PALM3: variants seen among roughly 807,000 people sequenced by gnomAD.
PALM3 encodes the protein paralemmin 3, also known as paralemmin-3.
PALM3 carries 20 observed loss-of-function variants against 27.9 expected under a neutral mutation model. The ratio of observed to expected loss-of-function variants is 0.72; its 90% CI spans 0.50 to 1.04. The LOEUF is 1.04. PALM3 is among the 50% of genes least tolerant of loss of function. The pLI, the probability that PALM3 is intolerant of heterozygous loss-of-function variation, is 0.00. For synonymous variants in PALM3, 328 were observed against 352.7 expected, an observed-to-expected ratio of 0.93 and a Z score of 0.79; for missense variants, 814 against 869.4, an observed-to-expected ratio of 0.94 and a Z score of 0.80.
In PALM3 at chr19:14,053,385, T is replaced by C. The variant is rs956783493; in HGVS notation, c.*220A>G. On this transcript the variant is annotated 3_prime_UTR_variant, in exon 7 of 7. Transcript: ENST00000669674. ...AGCCGTCTTGAGTGCTTTCACATTT[T>C]ATTTTCAAGTATAAAGGCTTCATCG... 4 of 459,804 alleles carry C rather than the reference T, an allele frequency of 8.7e-6. No individual in the cohort carries two copies. Among genetic ancestry groups the C allele is most frequent in the African/African-American group, 8.0e-5 (4 of 50,218 alleles). 28.5% of individuals were successfully genotyped at this position (459,804 alleles called of 1,614,324 possible).
chr19:14,061,156 T>C (rs1443380209), intron 1 of PALM3, among the ~76,000 whole-genome samples: 2 of 152,162 alleles, frequency 1.3e-5, no homozygotes, highest in Non-Finnish European at 2.9e-5. Flanking sequence ...TGGTCTCCTG[T>C]ACCACCCCCA....
intron 2 of PALM3, chr19:14,057,726 G>A (rs1402257093): frequency 1.3e-5 from 2 of 154,716 alleles, no homozygotes; most frequent in Non-Finnish European, 2.7e-5. Flanking sequence ...TGGATGGGGG[G>A]TGTAGGGGGT....
At chr19:14,057,521 G>T in intron 2 of PALM3, 90 bp from the exon 3 acceptor site, 1 of 1,086,588 alleles carries the variant, frequency 9.2e-7, no homozygotes, top group East Asian at 3.2e-5. Flanking sequence ...CCTCCGCGGG[G>T]CTCACCGGAG....
chr19:14,060,036 C>T (rs538785716), intron 1 of PALM3, among the ~76,000 whole-genome samples: 4 of 152,198 alleles, frequency 2.6e-5, no homozygotes, highest in African/African-American at 7.2e-5. Flanking sequence ...GTCACACCAA[C>T]CTTATCAACA....
intron 1 of PALM3, among the ~76,000 whole-genome samples, chr19:14,060,768 T>A (rs548054289): frequency 6.6e-6 from 1 of 152,226 alleles, no homozygotes; most frequent in Admixed American, 6.5e-5. Context: ...AGTCATGCTC[T>A]TTCTTTTTTT....
Position 14,054,632 on chromosome 19 carries a change from C to T in PALM3, c.1040G>A (p.Gly347Glu), listed in dbSNP as rs570683672. 6.4e-7 allele frequency: 1 copy of T among 1,551,700 alleles called. No individual in the cohort carries two copies. The highest frequency in any genetic ancestry group is 2.4e-5 in the East Asian group (1 of 40,920). The change falls in exon 7 of 7, where the codon GGA becomes GAA. Residue 347 changes from glycine to glutamate, a missense_variant. By Grantham distance (98) the Gly-to-Glu change is moderately conservative (BLOSUM62 -2). Transcript: ENST00000669674. The part of the protein sequence containing the change: ...PQGSPEGDGQ[G>E]GSGGEEGSFI... Reference sequence around the variant, plus strand: ...GGATCCCTCCTCTCCTCCAGAGCCTCCCTGCCCATCACCCTCAGGGCTGCC... The same window carrying T: ...GGATCCCTCCTCTCCTCCAGAGCCTTCCTGCCCATCACCCTCAGGGCTGCC...
intron 2 of PALM3, 59 bp downstream of exon 2, chr19:14,059,056 A>G: frequency 7.0e-7 from 1 of 1,421,792 alleles, no homozygotes; most frequent in South Asian, 1.4e-5. Context: ...CGGAGAGACG[A>G]GAAGGGAGCA....
chr19:14,054,348 C>A lies in PALM3; in HGVS notation c.1324G>T (p.Gly442Ter). 6.4e-7 allele frequency: 1 copy of A among 1,552,232 alleles called. No individual in the cohort carries two copies. The highest frequency in any genetic ancestry group is 8.7e-7 in the Non-Finnish European group (1 of 1,147,134). The change falls in exon 7 of 7, where the codon GGA becomes TGA. Residue 442 changes from glycine (G) to a stop codon, truncating the protein, a stop_gained. Coordinates refer to ENST00000669674, the MANE Select transcript of PALM3 (RefSeq NM_001145028.2). LOFTEE classifies it low-confidence loss of function (END_TRUNC). ...TCCAGCTCCAACTTCTTCTCTCCTCCTTTCCTCTCTACCACTGGTGACATC... is the reference window on the plus strand; with the variant it reads ...TCCAGCTCCAACTTCTTCTCTCCTCATTTCCTCTCTACCACTGGTGACATC... ...AEMSPVVERK[G>*]GEKKLELESR...
Position 14,059,138 on chromosome 19 carries a change from G to A in PALM3, c.67C>T (p.Arg23Trp). 7.0e-7 allele frequency: 1 copy of A among 1,435,760 alleles called. No individual in the cohort carries two copies. Among genetic ancestry groups the A allele is most frequent in the South Asian group, 1.5e-5 (1 of 68,838 alleles). The allele number at this position is 1,435,760 out of a possible 1,614,324, so 88.9% of individuals were successfully genotyped here. A position where few individuals can be genotyped will look rare whatever the true frequency, so the allele number is the denominator to read the frequency against. ...PMPMAESSLY[R>W]QRLEVIAEKR... ...ACAGCGATGACTTCTAGCCGCTGCC[G>A]GTAGAGGGAGCTCTCCGCCATGGGC... Residue 23 changes from arginine (R) to tryptophan (W), a missense_variant, in exon 2 of 7, where the codon CGG becomes TGG. Physicochemically the swap from Arg to Trp is moderately radical, Grantham distance 101. Transcript: ENST00000669674.
At chr19:14,061,258 G>A (rs972691166) in intron 1 of PALM3, among the ~76,000 whole-genome samples, 1 of 152,172 alleles carries the variant, frequency 6.6e-6, no homozygotes, top group African/African-American at 2.4e-5. Context: ...ATGCAATGGA[G>A]GACCTAGAAG....
At position 14,057,390 on chromosome 19, in the gene PALM3, C is replaced by T. The variant is rs754742234; in HGVS notation, c.132G>A (p.Arg44=). The T allele has an allele frequency of 1.4e-5, 22 of 1,545,004 alleles. No individual in the cohort carries two copies. The South Asian group carries it at 1.9e-4, about 13-fold the overall frequency. ...RLQEEIRAAR[R]EVEEEKLRVE... is the part of the protein sequence containing the mutation. ...CGCGGAGTTTCTCCTCCTCCACCTCCCGGCGCGCGGCGCGGATCTCCTCCT... is the reference window on the plus strand; with the variant it reads ...CGCGGAGTTTCTCCTCCTCCACCTCTCGGCGCGCGGCGCGGATCTCCTCCT... Residue 44 remains arginine, a synonymous_variant, in exon 3 of 7, where the codon CGG becomes CGA. Transcript: ENST00000669674.
intron 4 of PALM3, 41 bp from the exon 5 acceptor site, chr19:14,056,554 C>G: frequency 6.5e-7 from 1 of 1,547,930 alleles, no homozygotes; most frequent in Non-Finnish European, 8.7e-7. Context: ...GGCCCCCAGG[C>G]TCCTTGGGCT....
chr19:14,055,310 C>T (rs1976285568), intron 6 of PALM3, 70 bp downstream of exon 6: 4 of 1,421,642 alleles, frequency 2.8e-6, no homozygotes, highest in Middle Eastern at 1.9e-4. Flanking sequence ...CCACACTCCC[C>T]TTGAGTCACC....
At chr19:14,060,345 G>A (rs986442570) in intron 1 of PALM3, among the ~76,000 whole-genome samples, 1 of 151,680 alleles carries the variant, frequency 6.6e-6, no homozygotes, top group African/African-American at 2.4e-5. Context: ...AGTGCCCCAC[G>A]GGGTTTCCGC....
rs1366926000 is a variant in PALM3 at position 14,053,714 on chromosome 19, GGGT to G, written c.1955_1957del (p.His652del). The G allele has an allele frequency of 6.6e-7, 1 of 1,518,236 alleles. No individual in the cohort carries two copies. Among genetic ancestry groups the G allele is most frequent in the East Asian group, 2.5e-5 (1 of 40,764 alleles). The allele number at this position is 1,518,236 out of a possible 1,614,324, so 94.0% of individuals were successfully genotyped here. A position where few individuals can be genotyped will look rare whatever the true frequency, so the allele number is the denominator to read the frequency against. ...CCGGGCAGGCGCGTAGGTGGGCACA[GGGT>G]GGGCACTGGGGTTGGCGCTGGGCCC... On this transcript the variant is annotated inframe_deletion, in exon 7 of 7. Transcript: ENST00000669674.
chr19:14,058,148 G>T (rs1976348985), intron 2 of PALM3, among the ~76,000 whole-genome samples: 1 of 152,036 alleles, frequency 6.6e-6, no homozygotes, highest in Non-Finnish European at 1.5e-5. Context: ...GTGAGATGGG[G>T]GTCCGAAATG....
At chr19:14,059,448 G>T (rs62122123) in intron 1 of PALM3, among the ~76,000 whole-genome samples, 5,192 of 152,088 alleles carry the variant, frequency 0.034, 145 homozygotes, top group Middle Eastern at 0.092. Flanking sequence ...CCCTGTCCTT[G>T]CCACCCCCGA....
rs1976220804 is a variant in PALM3, at chr19:14,053,519, C to G, written c.*86G>C. 2.1e-6 allele frequency: 3 copies of G among 1,398,712 alleles called. No homozygotes were observed. Among genetic ancestry groups the G allele is most frequent in the African/African-American group, 1.5e-5 (1 of 68,696 alleles). 86.6% of individuals were successfully genotyped at this position (1,398,712 alleles called of 1,614,324 possible). ...GGTGCCATGGCCAGTCCTGTGGTCC[C>G]TGTCTGTGCCTGGGACCCTCTTCTG... On this transcript the variant is annotated 3_prime_UTR_variant, in exon 7 of 7. Transcript: ENST00000669674.
At chr19:14,056,306 G>A (rs1045655777) in intron 5 of PALM3, 123 bp downstream of exon 5, 23 of 950,994 alleles carry the variant, frequency 2.4e-5, no homozygotes, top group South Asian at 2.9e-5. Context: ...AGCGGGAAGC[G>A]GATCTGAATG....
Sources: allele counts gnomAD v4.1 joint callset (sites outside exome capture counted in the v4.1 genomes callset), GRCh38; gene constraint gnomAD v4.1.1; transcripts MANE v1.5; gene names NCBI Gene and HGNC (gene_info 2026-07-23, HGNC 2026-07-21).